Variants in RPSA2 observed in about 807,000 individuals in gnomAD.
The protein encoded by RPSA2 is ribosomal protein SA 2, also known as small ribosomal subunit protein uS2B.
At chr19:23,832,916 A>G in the RPSA2 span, 2 of 1,539,950 alleles carry the variant, frequency 1.3e-6, no homozygotes, top group African/African-American at 1.4e-5. Context: ...AAATCTTTTA[A>G]CCTGTCTTCA....
chr19:23,770,251 T>A, the RPSA2 span, among the ~76,000 whole-genome samples: 2 of 152,270 alleles, frequency 1.3e-5, no homozygotes, highest in South Asian at 4.1e-4. Context: ...TGGATTGGGC[T>A]TTGCCCAAGC....
At chr19:23,764,696 T>G in the RPSA2 span, among the ~76,000 whole-genome samples, 3 of 151,874 alleles carry the variant, frequency 2.0e-5, no homozygotes, top group African/African-American at 7.3e-5. Flanking sequence ...GCCAGGCTGG[T>G]CTTGAACTCC....
the RPSA2 span, among the ~76,000 whole-genome samples, chr19:23,844,702 T>TATA: frequency 0.35 from 52,148 of 150,914 alleles, 9,313 homozygotes; most frequent in Non-Finnish European, 0.38. Context: ...TCCATTTTTT[T>TATA]ATAATATAAT....
chr19:23,816,564 T>A, the RPSA2 span, among the ~76,000 whole-genome samples: 2 of 152,248 alleles, frequency 1.3e-5, no homozygotes, highest in Admixed American at 1.3e-4. Context: ...AATTGTGTAG[T>A]GATGTGCTTC....
At chr19:23,870,044 G>A in the RPSA2 span, among the ~76,000 whole-genome samples, 1 of 152,090 alleles carries the variant, frequency 6.6e-6, no homozygotes, top group African/African-American at 2.4e-5. Context: ...CACATTCCTG[G>A]GCTATGGATT....
At chr19:23,792,781 G>A in the RPSA2 span, among the ~76,000 whole-genome samples, 1 of 151,902 alleles carries the variant, frequency 6.6e-6, no homozygotes, top group African/African-American at 2.4e-5. Flanking sequence ...CCAAAGTGCT[G>A]GAATTACAGG....
the RPSA2 span, among the ~76,000 whole-genome samples, chr19:23,784,960 C>T: frequency 1.3e-5 from 2 of 152,200 alleles, no homozygotes; most frequent in African/African-American, 4.8e-5. Flanking sequence ...GTATTGACTC[C>T]CATATCTAGA....
the RPSA2 span, among the ~76,000 whole-genome samples, chr19:23,860,090 C>A: frequency 7.9e-5 from 12 of 152,084 alleles, no homozygotes; most frequent in Non-Finnish European, 1.3e-4. Context: ...CAAGCTTAAA[C>A]TTTTTGAAAG....
chr19:23,776,877 T>C, the RPSA2 span, among the ~76,000 whole-genome samples: 1 of 152,138 alleles, frequency 6.6e-6, no homozygotes, highest in African/African-American at 2.4e-5. Flanking sequence ...GCTCATCAGA[T>C]GTTTGATGTT....
the RPSA2 span, among the ~76,000 whole-genome samples, chr19:23,830,119 T>TA: frequency 6.6e-6 from 1 of 152,108 alleles, no homozygotes; most frequent in Admixed American, 6.5e-5. Flanking sequence ...GTATTTTTTT[T>TA]AACAACTTTT....
the RPSA2 span, chr19:23,808,694 A>T: frequency 1.6e-6 from 1 of 609,350 alleles, no homozygotes; most frequent in African/African-American, 1.9e-5. Flanking sequence ...AGCAAGATTC[A>T]TGTTAGTTAT....
At chr19:23,776,097 C>T in the RPSA2 span, among the ~76,000 whole-genome samples, 1 of 152,290 alleles carries the variant, frequency 6.6e-6, no homozygotes, top group East Asian at 1.9e-4. Context: ...GAGCCTTACA[C>T]CCAGGTAATG....
At chr19:23,865,697 C>T in the RPSA2 span, among the ~76,000 whole-genome samples, 2 of 152,174 alleles carry the variant, frequency 1.3e-5, no homozygotes, top group Non-Finnish European at 2.9e-5. Flanking sequence ...TAGAAACCCC[C>T]ACACAACAAA....
chr19:23,773,724 C>T, the RPSA2 span, among the ~76,000 whole-genome samples: 2 of 152,186 alleles, frequency 1.3e-5, no homozygotes, highest in South Asian at 2.1e-4. Flanking sequence ...TATGTGGATT[C>T]AGTTTGCAGG....
chr19:23,832,488 A>T, the RPSA2 span: 1 of 519,596 alleles, frequency 1.9e-6, no homozygotes, highest in Non-Finnish European at 3.5e-6. Context: ...CTATGTGGCA[A>T]ACCTTTTAGC....
chr19:23,832,031 T>C, the RPSA2 span: 2 of 436,456 alleles, frequency 4.6e-6, no homozygotes, highest in Middle Eastern at 3.6e-4. Flanking sequence ...AATAAGAAAA[T>C]TCATACTGAA....
the RPSA2 span, among the ~76,000 whole-genome samples, chr19:23,767,608 GTAATT>G: frequency 1.3e-5 from 2 of 152,056 alleles, no homozygotes; most frequent in African/African-American, 2.4e-5. Flanking sequence ...TGGTCACTGA[GTAATT>G]TAATAGGCAG....
At chr19:23,854,577 C>T in the RPSA2 span, among the ~76,000 whole-genome samples, 4 of 152,206 alleles carry the variant, frequency 2.6e-5, no homozygotes, top group Non-Finnish European at 5.9e-5. Flanking sequence ...GGATTTCCAT[C>T]TATATCAGAC....
the RPSA2 span, among the ~76,000 whole-genome samples, chr19:23,775,436 C>T: frequency 9.9e-3 from 1,502 of 152,212 alleles, 27 homozygotes; most frequent in African/African-American, 0.034. Flanking sequence ...GGTACGATCA[C>T]GGGTCCATAG....
Sources: allele counts gnomAD v4.1 joint callset (sites outside exome capture counted in the v4.1 genomes callset), GRCh38; gene constraint gnomAD v4.1.1; transcripts MANE v1.5; gene names NCBI Gene and HGNC (gene_info 2026-07-23, HGNC 2026-07-21).